The following ZKSCAN3 variants were observed in gnomAD, a reference collection of about 807,000 sequenced individuals.
ZKSCAN3 encodes zinc finger protein with KRAB and SCAN domains 3.
A neutral mutation model predicts 30.7 loss-of-function variants in ZKSCAN3; 21 were observed. That is an observed-to-expected ratio of 0.68 (90% CI 0.49 to 0.99). The LOEUF is 0.99. Ranked by LOEUF, ZKSCAN3 falls within the 50% of genes least tolerant of loss-of-function variation. The pLI is 0.00. For synonymous variants in ZKSCAN3, 201 were observed against 246.7 expected, an observed-to-expected ratio of 0.81 and a Z score of 1.73; for missense variants, 507 against 647.1, an observed-to-expected ratio of 0.78 and a Z score of 2.35.
chr6:28,366,416 T>A lies in ZKSCAN3; in HGVS notation c.*131T>A. 2.1e-6 allele frequency: 2 copies of A among 967,080 alleles called. No individual in the cohort carries two copies. The highest frequency in any genetic ancestry group is 2.8e-5 in the Admixed American group (1 of 35,274). The allele number at this position is 967,080 out of a possible 1,614,324, so 59.9% of individuals were successfully genotyped here. ...ACACATTATCAGGTGTTAGAAAATG[T>A]AGACTGGGTTAGACAAATTATCTTC... is the stretch of plus-strand genomic sequence containing the variant. On this transcript the variant is annotated 3_prime_UTR_variant, in exon 6 of 6. Transcript: ENST00000252211.
In ZKSCAN3 at chr6:28,365,722, A is replaced by G; in HGVS notation, c.1054A>G (p.Ile352Val). The G allele has an allele frequency of 6.2e-7, 1 of 1,614,046 alleles. No homozygotes were observed. Among genetic ancestry groups the G allele is most frequent in the Non-Finnish European group, 8.5e-7 (1 of 1,179,928 alleles). Residue 352 changes from isoleucine to valine, a missense_variant, in exon 6 of 6, where the codon ATT becomes GTT. By Grantham distance (29) the Ile-to-Val change is conservative. Transcript: ENST00000252211. ...YECEECGKAF[I>V]GSSALVIHQR... Reference sequence around the variant, plus strand: ...ATGTGAAGAGTGTGGCAAAGCCTTCATTGGGAGCTCTGCCCTTGTCATTCA... The same window carrying G: ...ATGTGAAGAGTGTGGCAAAGCCTTCGTTGGGAGCTCTGCCCTTGTCATTCA...
At chr6:28,360,019 T>C in intron 2 of ZKSCAN3, 31 bp downstream of exon 2, 1 of 1,614,222 alleles carries the variant, frequency 6.2e-7, no homozygotes, top group Non-Finnish European at 8.5e-7. Context: ...ATCTGAGCGC[T>C]GTGGCCTGTT....
In ZKSCAN3 at chr6:28,366,271, A is replaced by G. The variant is rs779798806; in HGVS notation, c.1603A>G (p.Ile535Val). 5 of 1,531,610 alleles carry G rather than the reference A, an allele frequency of 3.3e-6. No individual in the cohort carries two copies. In the South Asian group the frequency reaches 4.0e-5, roughly 12 times the overall value. The allele number at this position is 1,531,610 out of a possible 1,614,324, so 94.9% of individuals were successfully genotyped here. A position where few individuals can be genotyped will look rare whatever the true frequency, so the allele number is the denominator to read the frequency against. The change falls in exon 6 of 6, where the codon ATC becomes GTC. Residue 535 changes from isoleucine to valine, a missense_variant. Coordinates refer to ENST00000252211, the MANE Select transcript of ZKSCAN3 (RefSeq NM_024493.4). ...QHQRSHVGKN[I>V]LSQ ...TCAGAGAAGCCATGTAGGGAAAAAC[A>G]TCCTATCACAGTGACCCATGCCATA...
At chr6:28,359,481 C>T in intron 1 of ZKSCAN3, 44 bp from the exon 2 acceptor site, 1 of 1,412,720 alleles carries the variant, frequency 7.1e-7, no homozygotes, top group South Asian at 1.4e-5. Flanking sequence ...AGAGAAGGGA[C>T]TACTTGCAAG....
intron 3 of ZKSCAN3, 84 bp downstream of exon 3, chr6:28,361,555 G>C (rs1352319551): frequency 1.4e-6 from 2 of 1,479,458 alleles, no homozygotes; most frequent in Non-Finnish European, 1.8e-6. Flanking sequence ...TCATTGATAG[G>C]GGGCTTATGT....
chr6:28,354,738 G>A (rs902189708), intron 1 of ZKSCAN3, among the ~76,000 whole-genome samples: 3 of 152,188 alleles, frequency 2.0e-5, no homozygotes, highest in African/African-American at 7.2e-5. Context: ...GTGTTGGGGC[G>A]GGCAACAACA....
At chr6:28,362,093 A>G (rs373284969) in intron 3 of ZKSCAN3, among the ~76,000 whole-genome samples, 1 of 152,170 alleles carries the variant, frequency 6.6e-6, no homozygotes, top group African/African-American at 2.4e-5. Flanking sequence ...AAGCTACCAC[A>G]CTTGTGTATA....
chr6:28,365,957 T>C lies in ZKSCAN3; in HGVS notation c.1289T>C (p.Met430Thr), dbSNP rs572880509. 1 of 1,614,020 alleles carries C rather than the reference T, an allele frequency of 6.2e-7. No homozygotes were observed. The highest frequency in any genetic ancestry group is 8.5e-7 in the Non-Finnish European group (1 of 1,179,978). The change falls in exon 6 of 6, where the codon ATG becomes ACG. Residue 430 changes from methionine (M) to threonine (T), a missense_variant. By Grantham distance (81) the Met-to-Thr change is moderately conservative. Transcript: ENST00000252211. Reference protein sequence around the residue: ...HTGEKPYQCSMCGKAFRRSSH... With the variant: ...HTGEKPYQCSTCGKAFRRSSH... ...GGGGAGAAGCCGTATCAGTGCAGTATGTGTGGCAAAGCCTTTAGGCGAAGT... is the reference window on the plus strand; with the variant it reads ...GGGGAGAAGCCGTATCAGTGCAGTACGTGTGGCAAAGCCTTTAGGCGAAGT...
In ZKSCAN3 at chr6:28,359,842, C is replaced by G. The variant is rs1765664326; in HGVS notation, c.256C>G (p.Leu86Val). ...TGAGATGCACAGCAAGGAGCAGATC[C>G]TGGAGCTGCTGGTGCTGGAGCAGTT... The part of the protein sequence containing the change: ...QPEMHSKEQI[L>V]ELLVLEQFLT... The change falls in exon 2 of 6, where the codon CTG becomes GTG. Residue 86 changes from leucine (L) to valine (V), a missense_variant. Coordinates refer to ENST00000252211, the MANE Select transcript of ZKSCAN3 (RefSeq NM_024493.4). 5.0e-6 allele frequency: 8 copies of G among 1,608,938 alleles called. No homozygotes were observed. Among genetic ancestry groups the G allele is most frequent in the Non-Finnish European group, 6.0e-6 (7 of 1,176,178 alleles).
chr6:28,365,940 G>C lies in ZKSCAN3; in HGVS notation c.1272G>C (p.Lys424Asn). The change falls in exon 6 of 6, where the codon AAG becomes AAC. Residue 424 changes from lysine to asparagine, a missense_variant. Transcript: ENST00000252211. ...ATCACAGAATCCACACTGGGGAGAAGCCGTATCAGTGCAGTATGTGTGGCA... is the reference window on the plus strand; with the variant it reads ...ATCACAGAATCCACACTGGGGAGAACCCGTATCAGTGCAGTATGTGTGGCA... Reference protein sequence around the residue: ...LEHHRIHTGEKPYQCSMCGKA... With the variant: ...LEHHRIHTGENPYQCSMCGKA... 1 of 1,613,928 alleles carries C rather than the reference G, an allele frequency of 6.2e-7. No individual in the cohort carries two copies. Among genetic ancestry groups the C allele is most frequent in the Non-Finnish European group, 8.5e-7 (1 of 1,179,904 alleles).
chr6:28,365,956 A>G lies in ZKSCAN3; in HGVS notation c.1288A>G (p.Met430Val). Residue 430 changes from methionine to valine, a missense_variant, in exon 6 of 6, where the codon ATG (methionine) becomes GTG (valine). Transcript: ENST00000252211. ...HTGEKPYQCS[M>V]CGKAFRRSSH... ...TGGGGAGAAGCCGTATCAGTGCAGTATGTGTGGCAAAGCCTTTAGGCGAAG... is the reference window on the plus strand; with the variant it reads ...TGGGGAGAAGCCGTATCAGTGCAGTGTGTGTGGCAAAGCCTTTAGGCGAAG... The G allele has an allele frequency of 3.1e-6, 5 of 1,614,074 alleles. No homozygotes were observed. Among genetic ancestry groups the G allele is most frequent in the Middle Eastern group, 1.6e-4 (1 of 6,062 alleles).
rs1490879211 is a variant in ZKSCAN3 at position 28,351,067 on chromosome 6, A to G, written c.-63+1000A>G. Among the ~76,000 whole-genome samples the G allele has an allele frequency of 6.6e-6, 1 of 152,110 alleles. No homozygotes were observed. The highest frequency in any genetic ancestry group is 1.5e-5 in the Non-Finnish European group (1 of 68,016). On this transcript the variant is annotated intron_variant, in intron 1 of 5. Transcript: ENST00000252211. The surrounding 1 kb of genome is among the most constrained non-coding windows in gnomAD (Gnocchi z 4.6). ...TACTAACACCCTTCATTTCAACCCA[A>G]CTTTTACAGGGTTAGCTCTTTCATA...
intron 5 of ZKSCAN3, among the ~76,000 whole-genome samples, chr6:28,364,731 A>C (rs899504001): frequency 1.1e-4 from 17 of 151,558 alleles, no homozygotes; most frequent in African/African-American, 3.6e-4. Flanking sequence ...TCGTTTATTT[A>C]TTTCTTTTGT....
chr6:28,355,036 C>T (rs948535234), intron 1 of ZKSCAN3, among the ~76,000 whole-genome samples: 3 of 152,194 alleles, frequency 2.0e-5, no homozygotes, highest in East Asian at 1.9e-4. Flanking sequence ...CAACAGCAGT[C>T]CAGGTAGCAG....
At position 28,365,524 on chromosome 6, in the gene ZKSCAN3, G is replaced by A. The variant is rs1473831158; in HGVS notation, c.856G>A (p.Ala286Thr). 1 of 1,614,238 alleles carries A rather than the reference G, an allele frequency of 6.2e-7. No homozygotes were observed. The highest frequency in any genetic ancestry group is 1.1e-5 in the South Asian group (1 of 91,074). ...ATCGTGCCACCTGAGAGAAGACATT[G>A]CCCAGATTCCTACATGTGCAGAAGC... is the stretch of plus-strand genomic sequence containing the variant. ...KISCHLREDI[A>T]QIPTCAEAGE... Residue 286 changes from alanine to threonine, a missense_variant, in exon 6 of 6, where the codon GCC (alanine) becomes ACC (threonine). Physicochemically the swap from Ala to Thr is moderately conservative, Grantham distance 58. Coordinates refer to ENST00000252211, the MANE Select transcript of ZKSCAN3 (RefSeq NM_024493.4).
At position 28,359,750 on chromosome 6, in the gene ZKSCAN3, C is replaced by T. The variant is rs745404694; in HGVS notation, c.164C>T (p.Pro55Leu). The T allele has an allele frequency of 3.8e-5, 62 of 1,614,056 alleles. No homozygotes were observed. Among genetic ancestry groups the T allele is most frequent in the Middle Eastern group, 1.6e-4 (1 of 6,076 alleles). The change falls in exon 2 of 6, where the codon CCG becomes CTG. Residue 55 changes from proline to leucine, a missense_variant. Transcript: ENST00000252211. The part of the protein sequence containing the change: ...SRERFRGFRY[P>L]EAAGPREALS... ...GAGCGCTTCCGAGGCTTCCGCTACC[C>T]GGAGGCTGCAGGCCCCCGCGAGGCG...
rs777496466 is a variant in ZKSCAN3 at position 28,365,801 on chromosome 6, C to T, written c.1133C>T (p.Ala378Val). The T allele has an allele frequency of 1.9e-6, 3 of 1,614,052 alleles. No individual in the cohort carries two copies. In the South Asian group the frequency reaches 3.3e-5, roughly 18 times the overall value. ...TATGAGTGTGAAGAATGTGGTAAGG[C>T]CTTCAGTCATAGCTCAGACCTTATC... ...KPYECEECGKAFSHSSDLIKH... is the reference protein window; with the variant it reads ...KPYECEECGKVFSHSSDLIKH... The change falls in exon 6 of 6, where the codon GCC (alanine) becomes GTC (valine). Residue 378 changes from alanine (A) to valine (V), a missense_variant. By Grantham distance (64) the Ala-to-Val change is moderately conservative. Transcript: ENST00000252211.
chr6:28,353,740 T>C lies in ZKSCAN3; in HGVS notation c.-63+3673T>C, dbSNP rs374856990. On this transcript the variant is annotated intron_variant, in intron 1 of 5. Coordinates refer to ENST00000252211, the MANE Select transcript of ZKSCAN3 (RefSeq NM_024493.4). ...AACCTTGCGAGTGATTAAAGATAGT[T>C]CTGGGGAAGACTGTGGATAGAGAAA... The C allele has an allele frequency of 5.0e-5, 22 of 438,324 alleles. No individual in the cohort carries two copies. The East Asian group carries it at 1.6e-3, about 31-fold the overall frequency. The allele number at this position is 438,324 out of a possible 1,614,324, so 27.2% of individuals were successfully genotyped here. A position where few individuals can be genotyped will look rare whatever the true frequency, so the allele number is the denominator to read the frequency against.
At chr6:28,353,651 A>G (rs1378656306) in intron 1 of ZKSCAN3, among the ~76,000 whole-genome samples, 1 of 152,222 alleles carries the variant, frequency 6.6e-6, no homozygotes, top group East Asian at 1.9e-4. Flanking sequence ...ATTTCCATAT[A>G]GGACCGTCTG....
Sources: gnomAD v4.1 joint callset for allele counts (sites outside exome capture counted in the v4.1 genomes callset) on GRCh38, gnomAD v4.1.1 for gene constraint, Gnocchi (gnomAD v3.1) non-coding constraint, MANE v1.5 for transcripts, NCBI Gene and HGNC (gene_info 2026-07-23, HGNC 2026-07-21) for gene names.